Variants in KCNH7 observed in about 807,000 individuals in gnomAD.
KCNH7 encodes potassium voltage-gated channel subfamily H member 7, also known as voltage-gated inwardly rectifying potassium channel KCNH7.
Under a neutral mutation model 120.8 loss-of-function variants are expected in KCNH7, and 49 were observed. That is an observed-to-expected ratio of 0.41 (90% CI 0.32 to 0.51). The LOEUF is 0.51. Among genes scored for constraint, KCNH7 ranks in the 20% least tolerant of loss-of-function variants. The probability of loss-of-function intolerance (pLI) is 0.38; values close to 1 mark genes in which losing one functional copy is unlikely to be tolerated. For synonymous variants in KCNH7, 547 were observed against 516.1 expected (o/e 1.06, Z -0.81); for missense variants, 1,097 against 1,446.6 (o/e 0.76, Z 3.92).
intron 2 of KCNH7, among the ~76,000 whole-genome samples, chr2:162,595,238 C>A (rs943601066): frequency 1.3e-5 from 2 of 151,860 alleles, no homozygotes; most frequent in Non-Finnish European, 2.9e-5. Context: ...TAAGTGCAAG[C>A]AGGGGGAAAT....
intron 3 of KCNH7, among the ~76,000 whole-genome samples, chr2:162,530,923 G>T (rs1167600884): frequency 1.3e-5 from 2 of 151,886 alleles, no homozygotes; most frequent in African/African-American, 4.8e-5. Flanking sequence ...TTTTCTGCTT[G>T]ATTTAACAAT....
At chr2:162,816,066 C>A (rs1484557748) in intron 2 of KCNH7, among the ~76,000 whole-genome samples, 2 of 152,004 alleles carry the variant, frequency 1.3e-5, no homozygotes, top group African/African-American at 4.8e-5. Context: ...CGAGACCAGC[C>A]TGGCCAACAT....
chr2:162,617,594 A>T (rs1277640569), intron 2 of KCNH7, among the ~76,000 whole-genome samples: 1 of 152,174 alleles, frequency 6.6e-6, no homozygotes, highest in East Asian at 1.9e-4. Flanking sequence ...AAACACAAAA[A>T]CAGTTATATA....
At chr2:162,801,689 A>T (rs1237660879) in intron 2 of KCNH7, among the ~76,000 whole-genome samples, 1 of 151,816 alleles carries the variant, frequency 6.6e-6, no homozygotes, top group Admixed American at 6.6e-5. Flanking sequence ...ACTTTCTTGT[A>T]TCACAATAAA....
At chr2:162,665,704 C>T (rs1685109425) in intron 2 of KCNH7, among the ~76,000 whole-genome samples, 1 of 152,136 alleles carries the variant, frequency 6.6e-6, no homozygotes, top group Admixed American at 6.5e-5. Context: ...TGATCACTCT[C>T]TACTTCTAAT....
intron 2 of KCNH7, among the ~76,000 whole-genome samples, chr2:162,760,083 T>A (rs1392622952): frequency 6.6e-6 from 1 of 152,200 alleles, no homozygotes; most frequent in African/African-American, 2.4e-5. Flanking sequence ...AATTTCTTAA[T>A]GCTATGAATT....
chr2:162,549,202 G>T (rs1257745709), intron 2 of KCNH7, among the ~76,000 whole-genome samples: 1 of 152,174 alleles, frequency 6.6e-6, no homozygotes, highest in Non-Finnish European at 1.5e-5. Context: ...CTTCAGAGAT[G>T]CATGAGGCTT....
chr2:162,528,514 C>T (rs1691794203), intron 3 of KCNH7, among the ~76,000 whole-genome samples: 4 of 151,924 alleles, frequency 2.6e-5, no homozygotes, highest in Non-Finnish European at 4.4e-5. Context: ...GGGGACACCA[C>T]ATGATACAAA....
chr2:162,799,941 T>TAC (rs1310663166), intron 2 of KCNH7, among the ~76,000 whole-genome samples: 2 of 74,288 alleles, frequency 2.7e-5, no homozygotes, highest in East Asian at 2.9e-4. Flanking sequence ...TACTTTGTTT[T>TAC]ACACACATAC....
chr2:162,416,443 A>G (rs992001729), intron 9 of KCNH7, among the ~76,000 whole-genome samples: 1 of 152,110 alleles, frequency 6.6e-6, no homozygotes, highest in Non-Finnish European at 1.5e-5. Flanking sequence ...TCTGGGCTAA[A>G]TCCCTATCTT....
chr2:162,658,703 A>C (rs2105273466), intron 2 of KCNH7, among the ~76,000 whole-genome samples: 1 of 152,290 alleles, frequency 6.6e-6, no homozygotes, highest in Admixed American at 6.5e-5. Flanking sequence ...TGTTAGATTT[A>C]TAACTAAGCA....
chr2:162,381,219 A>G (rs762585205), intron 13 of KCNH7, among the ~76,000 whole-genome samples: 37 of 152,216 alleles, frequency 2.4e-4, no homozygotes, highest in Non-Finnish European at 4.6e-4. Context: ...TGATAGAAAG[A>G]CTTAAAAAAA....
At chr2:162,661,293 T>C (rs1684951085) in intron 2 of KCNH7, among the ~76,000 whole-genome samples, 2 of 152,180 alleles carry the variant, frequency 1.3e-5, no homozygotes, top group Non-Finnish European at 1.5e-5. Context: ...CCAAAACAGT[T>C]CATTCCTGTT....
At chr2:162,566,873 G>A (rs1481502857) in intron 2 of KCNH7, among the ~76,000 whole-genome samples, 2 of 151,918 alleles carry the variant, frequency 1.3e-5, no homozygotes, top group Non-Finnish European at 1.5e-5. Flanking sequence ...CACCTGGATG[G>A]GTGATTGTCA....
rs1419025319 is a variant in KCNH7, at chr2:162,450,073, A to C, written c.1129-3630T>G. ...GTATGTTGTCAGAGTAGTATTACCAACTTCAAAGATTTACTTGCGTTATCA... is the reference window on the plus strand; with the variant it reads ...GTATGTTGTCAGAGTAGTATTACCACCTTCAAAGATTTACTTGCGTTATCA... On this transcript the variant is annotated intron_variant, in intron 6 of 15. Coordinates refer to ENST00000332142, the MANE Select transcript of KCNH7 (RefSeq NM_033272.4). Among the ~76,000 whole-genome samples the C allele has an allele frequency of 5.9e-5, 9 of 152,050 alleles. No individual in the cohort carries two copies. The East Asian group carries it at 1.5e-3, about 26-fold the overall frequency.
At chr2:162,464,315 A>G (rs898674788) in intron 6 of KCNH7, among the ~76,000 whole-genome samples, 1 of 151,974 alleles carries the variant, frequency 6.6e-6, no homozygotes, top group Non-Finnish European at 1.5e-5. Flanking sequence ...ATTATACTAT[A>G]TATCTCATGA....
At chr2:162,608,301 A>T (rs942263239) in intron 2 of KCNH7, among the ~76,000 whole-genome samples, 8 of 152,182 alleles carry the variant, frequency 5.3e-5, no homozygotes, top group Admixed American at 4.6e-4. Context: ...CAGTACTTTT[A>T]ACTCCAAACA....
chr2:162,383,846 G>A (rs1158709238), intron 13 of KCNH7, among the ~76,000 whole-genome samples: 1 of 151,730 alleles, frequency 6.6e-6, no homozygotes, highest in African/African-American at 2.4e-5. Flanking sequence ...AACCTCGTTG[G>A]TTAGATAATA....
At chr2:162,724,433 G>A (rs573026387) in intron 2 of KCNH7, among the ~76,000 whole-genome samples, 6 of 152,156 alleles carry the variant, frequency 3.9e-5, no homozygotes, top group Admixed American at 2.0e-4. Flanking sequence ...AGCACTTTGG[G>A]AGGCCGAGGC....
Sources: gnomAD v4.1 joint callset for allele counts (sites outside exome capture counted in the v4.1 genomes callset) on GRCh38, gnomAD v4.1.1 for gene constraint, MANE v1.5 for transcripts, NCBI Gene and HGNC (gene_info 2026-07-23, HGNC 2026-07-21) for gene names.